SGCZ: variants seen among roughly 807,000 people sequenced by gnomAD.
SGCZ encodes the protein zeta-sarcoglycan.
SGCZ carries 40 observed loss-of-function variants against 41.3 expected under a neutral mutation model. The observed-to-expected ratio is 0.97, with a 90% CI of 0.75 to 1.26. The LOEUF is 1.26. SGCZ is among the 50% of genes most tolerant of loss of function. The pLI, the probability that SGCZ is intolerant of heterozygous loss-of-function variation, is 0.00. For synonymous variants in SGCZ, 206 were observed against 137.5 expected, an observed-to-expected ratio of 1.50 and a Z score of -3.49; for missense variants, 552 against 369.8, an observed-to-expected ratio of 1.49 and a Z score of -4.04.
rs140118961 is a variant in SGCZ at position 14,089,086 on chromosome 8, T to A, written c.*1357A>T. On this transcript the variant is annotated 3_prime_UTR_variant, in exon 8 of 8. Coordinates refer to ENST00000382080, the MANE Select transcript of SGCZ (RefSeq NM_139167.4). Reference sequence around the variant, plus strand: ...CTCTGTAAGTTTCAAGAGTTTGAGTTAAGGGGTGCTGTGATAAATGAATAT... The same window carrying A: ...CTCTGTAAGTTTCAAGAGTTTGAGTAAAGGGGTGCTGTGATAAATGAATAT... 5.0e-4 allele frequency among the ~76,000 whole-genome samples: 76 copies of A among 152,072 alleles called. No individual in the cohort carries two copies. Among genetic ancestry groups the A allele is most frequent in the South Asian group, 3.7e-3 (18 of 4,828 alleles).
intron 1 of SGCZ, among the ~76,000 whole-genome samples, chr8:15,055,052 G>A (rs916641746): frequency 6.6e-6 from 1 of 151,846 alleles, no homozygotes; most frequent in East Asian, 1.9e-4. Flanking sequence ...CTCCTAAGTA[G>A]CTCCCCTTTA....
intron 1 of SGCZ, among the ~76,000 whole-genome samples, chr8:14,661,734 A>T (rs890281548): frequency 6.6e-6 from 1 of 152,144 alleles, no homozygotes; most frequent in African/African-American, 2.4e-5. Context: ...GAGTAGAGTA[A>T]CACATGAACA....
chr8:14,505,049 T>G (rs1378041170), intron 2 of SGCZ, among the ~76,000 whole-genome samples: 1 of 152,146 alleles, frequency 6.6e-6, no homozygotes, highest in Non-Finnish European at 1.5e-5. Context: ...ATATGGAGGC[T>G]GAGGCATGAG....
intron 2 of SGCZ, among the ~76,000 whole-genome samples, chr8:14,338,509 A>C (rs542213289): frequency 6.6e-6 from 1 of 152,236 alleles, no homozygotes; most frequent in South Asian, 2.1e-4. Flanking sequence ...TGCTTATTCG[A>C]GGTTGCAATT....
At chr8:14,351,286 G>A (rs954477261) in intron 2 of SGCZ, among the ~76,000 whole-genome samples, 1 of 152,038 alleles carries the variant, frequency 6.6e-6, no homozygotes, top group Non-Finnish European at 1.5e-5. Context: ...TCATGGGCAT[G>A]TAAATTATTA....
chr8:14,247,058 C>T (rs4440633), intron 3 of SGCZ, among the ~76,000 whole-genome samples: 101,630 of 151,982 alleles, frequency 0.67, 34,372 homozygotes, highest in South Asian at 0.78. Context: ...TACCTGACTT[C>T]CTTGAATTCT....
At chr8:14,446,619 C>T (rs1008415178) in intron 2 of SGCZ, among the ~76,000 whole-genome samples, 1 of 152,142 alleles carries the variant, frequency 6.6e-6, no homozygotes, top group Non-Finnish European at 1.5e-5. Context: ...CCTTCAATGA[C>T]ATTATGTACA....
intron 1 of SGCZ, among the ~76,000 whole-genome samples, chr8:15,001,608 A>G (rs1802423606): frequency 6.6e-6 from 1 of 151,916 alleles, no homozygotes; most frequent in Non-Finnish European, 1.5e-5. Flanking sequence ...GGGCACCTGT[A>G]ATTCCAGCTA....
chr8:14,861,249 C>A (rs1046589139), intron 1 of SGCZ, among the ~76,000 whole-genome samples: 1 of 152,124 alleles, frequency 6.6e-6, no homozygotes, highest in African/African-American at 2.4e-5. Flanking sequence ...TTGTGTTAAC[C>A]AATCACATGT....
intron 1 of SGCZ, among the ~76,000 whole-genome samples, chr8:15,174,952 C>T (rs917835476): frequency 7.2e-5 from 11 of 151,904 alleles, no homozygotes; most frequent in African/African-American, 2.7e-4. Context: ...TCCTCAAATA[C>T]CTAAAATCAG....
intron 5 of SGCZ, among the ~76,000 whole-genome samples, chr8:14,135,671 C>CA (rs139888886): frequency 0.022 from 3,292 of 152,058 alleles, 143 homozygotes; most frequent in African/African-American, 0.076. Context: ...GAATTGCTTC[C>CA]AAAAAAAGTC....
chr8:14,733,132 G>GCC (rs2099715476), intron 1 of SGCZ, among the ~76,000 whole-genome samples: 1 of 151,980 alleles, frequency 6.6e-6, no homozygotes, highest in Admixed American at 6.6e-5. Flanking sequence ...ATCTCAAACA[G>GCC]CCCCAGCTTT....
chr8:15,136,074 C>A (rs1419486835), intron 1 of SGCZ, among the ~76,000 whole-genome samples: 1 of 152,094 alleles, frequency 6.6e-6, no homozygotes, highest in African/African-American at 2.4e-5. Flanking sequence ...ACATAGGACA[C>A]TGGTGGGCAT....
chr8:14,233,529 G>C (rs1806646158), intron 4 of SGCZ, among the ~76,000 whole-genome samples: 1 of 149,256 alleles, frequency 6.7e-6, no homozygotes, highest in African/African-American at 2.4e-5. Context: ...TGTAAACAAA[G>C]TCTGTATAAA....
At chr8:14,342,827 G>C (rs750752512) in intron 2 of SGCZ, among the ~76,000 whole-genome samples, 1 of 152,178 alleles carries the variant, frequency 6.6e-6, no homozygotes, top group Non-Finnish European at 1.5e-5. Context: ...TAATCACCAA[G>C]ACTATGGGAA....
Position 14,085,586 on chromosome 8 carries a change from A to G in SGCZ, c.*4857T>C, listed in dbSNP as rs1248768808. On this transcript the variant is annotated 3_prime_UTR_variant, in exon 8 of 8. Transcript: ENST00000382080. ...TAAAAAATAGCCCTCTGGTTCTACAAGTATTTCAAATTTTATTCTCCAAAT... is the reference window on the plus strand; with the variant it reads ...TAAAAAATAGCCCTCTGGTTCTACAGGTATTTCAAATTTTATTCTCCAAAT... Among the ~76,000 whole-genome samples, 1 of 151,834 alleles carries G rather than the reference A, an allele frequency of 6.6e-6. No homozygotes were observed.
chr8:14,478,500 G>GA lies in SGCZ; in HGVS notation c.234+76231dup, dbSNP rs988621263. ...AAAGGCCAAACTATGGCAGCAGTTTGAAAAAATCAGTGATTGACAGGTGTT... is the reference window on the plus strand; with the variant it reads ...AAAGGCCAAACTATGGCAGCAGTTTGAAAAAAATCAGTGATTGACAGGTGTT... On this transcript the variant is annotated intron_variant, in intron 2 of 7. Coordinates refer to ENST00000382080, the MANE Select transcript of SGCZ (RefSeq NM_139167.4). 9.9e-4 allele frequency among the ~76,000 whole-genome samples: 151 copies of GA among 152,182 alleles called. 3 individuals carry two copies. The highest frequency in any genetic ancestry group is 8.8e-3 in the Admixed American group (135 of 15,294).
At chr8:14,988,108 T>C (rs1801886620) in intron 1 of SGCZ, among the ~76,000 whole-genome samples, 1 of 152,018 alleles carries the variant, frequency 6.6e-6, no homozygotes, top group African/African-American at 2.4e-5. Flanking sequence ...GAAATGGTGA[T>C]TTAAAATATA....
intron 1 of SGCZ, among the ~76,000 whole-genome samples, chr8:14,937,734 T>C (rs531677478): frequency 6.6e-6 from 1 of 152,204 alleles, no homozygotes; most frequent in African/African-American, 2.4e-5. Flanking sequence ...TTTCTGTAAG[T>C]TTTTTTGTCA....
Sources: gnomAD v4.1 joint callset for allele counts (sites outside exome capture counted in the v4.1 genomes callset) on GRCh38, gnomAD v4.1.1 for gene constraint, MANE v1.5 for transcripts, NCBI Gene and HGNC (gene_info 2026-07-23, HGNC 2026-07-21) for gene names.